CDH4: variants seen among roughly 807,000 people sequenced by gnomAD.
CDH4 encodes the protein cadherin-4.
Under a neutral mutation model 86.0 loss-of-function variants are expected in CDH4, and 33 were observed. That is an observed-to-expected ratio of 0.38 (90% CI 0.29 to 0.51). CDH4 has a LOEUF of 0.51. Among genes scored for constraint, CDH4 ranks in the 20% least tolerant of loss-of-function variants. CDH4 has a pLI of 0.86. For missense variants in CDH4, 1,114 were observed against 1,307.4 expected (o/e 0.85, Z 2.28); for synonymous variants, 555 against 549.4 (o/e 1.01, Z -0.14).
At position 61,383,208 on chromosome 20, in the gene CDH4, AATATATATGAATATATT is replaced by A. The variant is rs1398619590; in HGVS notation, c.169+128288_169+128304del. ...ATATATATGAATATATTTATATATG[AATATATATGAATATATT>A]ATATATATGAATATATATGATTATA... On this transcript the variant is annotated intron_variant, in intron 2 of 15. Transcript: ENST00000614565. Among the ~76,000 whole-genome samples the A allele has an allele frequency of 9.0e-5, 9 of 99,784 alleles. 2 individuals are homozygous for A. Among genetic ancestry groups the A allele is most frequent in the Non-Finnish European group, 1.4e-4 (7 of 50,818 alleles). 65.5% of individuals were successfully genotyped at this position (99,784 alleles called of 152,430 possible). A position where few individuals can be genotyped will look rare whatever the true frequency, so the allele number is the denominator to read the frequency against.
chr20:61,331,344 C>T (rs1233754849), intron 2 of CDH4, among the ~76,000 whole-genome samples: 1 of 152,060 alleles, frequency 6.6e-6, no homozygotes, highest in Non-Finnish European at 1.5e-5. Flanking sequence ...ATGAGTCCGA[C>T]CATGTCACTG....
chr20:61,652,938 A>ATTTTTTTTTTTTTTTTTTT (rs763918382), intron 2 of CDH4, among the ~76,000 whole-genome samples: 39 of 97,304 alleles, frequency 4.0e-4, no homozygotes, highest in African/African-American at 4.7e-4. Flanking sequence ...TTATTTATTT[A>ATTTTTTTTTTTTTTTTTTT]TTTTTTTTTT....
intron 2 of CDH4, among the ~76,000 whole-genome samples, chr20:61,489,204 T>C (rs190309933): frequency 2.5e-3 from 380 of 152,040 alleles, no homozygotes; most frequent in African/African-American, 8.7e-3. Context: ...TCCAAGGGGG[T>C]CTTCAATTGC....
chr20:61,556,844 G>A lies in CDH4; in HGVS notation c.170-186719G>A, dbSNP rs948676048. 3.9e-5 allele frequency among the ~76,000 whole-genome samples: 6 copies of A among 152,054 alleles called. No individual in the cohort carries two copies. The East Asian group carries it at 5.8e-4, about 15-fold the overall frequency. ...GGTGAAAGGGAGCTGTGGTCGGCCC[G>A]TCCTCCGACCACAACTCCGGGGCAA... On this transcript the variant is annotated intron_variant, in intron 2 of 15. Coordinates refer to ENST00000614565, the MANE Select transcript of CDH4 (RefSeq NM_001794.5).
chr20:61,836,913 G>A (rs960353447), intron 4 of CDH4, among the ~76,000 whole-genome samples: 5 of 152,356 alleles, frequency 3.3e-5, no homozygotes, highest in Admixed American at 6.5e-5. Context: ...GGGGTAGGGG[G>A]TCTGGCACAC....
At chr20:61,296,731 G>A (rs868686961) in intron 2 of CDH4, among the ~76,000 whole-genome samples, 17 of 152,292 alleles carry the variant, frequency 1.1e-4, no homozygotes, top group African/African-American at 4.1e-4. Context: ...GCCAGACCCA[G>A]GCGTCTGGGG....
intron 2 of CDH4, among the ~76,000 whole-genome samples, chr20:61,545,436 G>A (rs939970252): frequency 6.6e-6 from 1 of 152,208 alleles, no homozygotes; most frequent in African/African-American, 2.4e-5. Flanking sequence ...GTCACGGGAA[G>A]GACGCTGACC....
chr20:61,260,658 C>A (rs1187196189), intron 2 of CDH4, among the ~76,000 whole-genome samples: 3 of 152,182 alleles, frequency 2.0e-5, no homozygotes, highest in Admixed American at 2.0e-4. Context: ...CCCAGACCCC[C>A]ACTGCCTCCA....
intron 2 of CDH4, among the ~76,000 whole-genome samples, chr20:61,669,287 A>T (rs574373562): frequency 1.3e-5 from 2 of 152,366 alleles, no homozygotes; most frequent in East Asian, 3.9e-4. Flanking sequence ...CACCCCACAC[A>T]GCGAGCACCA....
chr20:61,638,216 GC>G (rs1046657630), intron 2 of CDH4, among the ~76,000 whole-genome samples: 5 of 152,142 alleles, frequency 3.3e-5, no homozygotes, highest in African/African-American at 4.8e-5. Flanking sequence ...TGGATCGGCT[GC>G]CCCCTTCACA....
At chr20:61,418,934 C>G (rs2085161970) in intron 2 of CDH4, among the ~76,000 whole-genome samples, 1 of 152,200 alleles carries the variant, frequency 6.6e-6, no homozygotes, top group Non-Finnish European at 1.5e-5. Flanking sequence ...CAATCTCTGC[C>G]TTGGCCCTCA....
At chr20:61,452,903 C>G (rs2085388341) in intron 2 of CDH4, among the ~76,000 whole-genome samples, 1 of 152,148 alleles carries the variant, frequency 6.6e-6, no homozygotes, top group Non-Finnish European at 1.5e-5. Context: ...ACACCACAGC[C>G]CTGGGTTCTA....
chr20:61,863,986 C>T (rs1568856139), intron 6 of CDH4, among the ~76,000 whole-genome samples: 1 of 152,234 alleles, frequency 6.6e-6, no homozygotes, highest in Non-Finnish European at 1.5e-5. Context: ...TCACATCCAT[C>T]CAGCACTTCA....
chr20:61,508,461 C>G (rs2085757458), intron 2 of CDH4, among the ~76,000 whole-genome samples: 1 of 151,692 alleles, frequency 6.6e-6, no homozygotes, highest in Non-Finnish European at 1.5e-5. Flanking sequence ...TAATGAGAAG[C>G]TGGTGACTGT....
rs2087395625 is a variant in CDH4, at chr20:61,672,041, A to G, written c.170-71522A>G. On this transcript the variant is annotated intron_variant, in intron 2 of 15. Coordinates refer to ENST00000614565, the MANE Select transcript of CDH4 (RefSeq NM_001794.5). Reference sequence around the variant, plus strand: ...TATGGACAGATGGGTGGATGGGTGGATAGATAGATAAATAGATGGATGGAT... The same window carrying G: ...TATGGACAGATGGGTGGATGGGTGGGTAGATAGATAAATAGATGGATGGAT... 2.3e-5 allele frequency among the ~76,000 whole-genome samples: 3 copies of G among 131,648 alleles called. No homozygotes were observed. In the Admixed American group the frequency reaches 2.4e-4, roughly 10 times the overall value. The allele number at this position is 131,648 out of a possible 152,430, so 86.4% of individuals were successfully genotyped here.
chr20:61,653,565 C>T, intron 2 of CDH4, among the ~76,000 whole-genome samples: 1 of 139,360 alleles, frequency 7.2e-6, no homozygotes, highest in Non-Finnish European at 1.6e-5. Flanking sequence ...CAGGCGGGGG[C>T]TGACCCCCAC....
intron 2 of CDH4, among the ~76,000 whole-genome samples, chr20:61,407,883 T>C (rs1056045899): frequency 6.6e-6 from 1 of 152,190 alleles, no homozygotes; most frequent in Non-Finnish European, 1.5e-5. Flanking sequence ...TGATGCTGTT[T>C]CCATGAAGTC....
At chr20:61,379,486 G>A (rs958448485) in intron 2 of CDH4, among the ~76,000 whole-genome samples, 1 of 152,222 alleles carries the variant, frequency 6.6e-6, no homozygotes, top group Non-Finnish European at 1.5e-5. Flanking sequence ...ATCTGTGTAG[G>A]GAAGTCCTGA....
chr20:61,910,905 A>T (rs1192415325), intron 9 of CDH4, among the ~76,000 whole-genome samples: 1 of 152,132 alleles, frequency 6.6e-6, no homozygotes, highest in African/African-American at 2.4e-5. Context: ...TAGAATTCCT[A>T]ATGTTAAACC....
Sources: allele counts gnomAD v4.1 joint callset (sites outside exome capture counted in the v4.1 genomes callset), GRCh38; gene constraint gnomAD v4.1.1; transcripts MANE v1.5; gene names NCBI Gene and HGNC (gene_info 2026-07-23, HGNC 2026-07-21).